Variants in TAPT1 observed in about 807,000 individuals in gnomAD.
TAPT1 encodes transmembrane anterior posterior transformation protein 1 homolog.
In TAPT1, 28 loss-of-function variants were observed where a neutral mutation model predicts 65.6. That is an observed-to-expected ratio of 0.43 (90% confidence interval 0.32 to 0.59). The LOEUF is 0.59. TAPT1 is among the 20% of genes least tolerant of loss of function. TAPT1 has a pLI of 0.09. For synonymous variants in TAPT1, 278 were observed against 245.2 expected (o/e 1.13, Z -1.25); for missense variants, 563 against 679.9 (o/e 0.83, Z 1.91).
intron 2 of TAPT1, among the ~76,000 whole-genome samples, chr4:16,203,433 G>A (rs565352357): frequency 1.1e-3 from 171 of 152,236 alleles, no homozygotes; most frequent in African/African-American, 3.6e-3. Context: ...GAATGTAACC[G>A]TGCTTGGACA....
intron 4 of TAPT1, chr4:16,190,655 A>G (rs1020781881): frequency 6.5e-6 from 1 of 154,694 alleles, no homozygotes; most frequent in Admixed American, 6.6e-5. Context: ...TTGAATTTCA[A>G]AGTTTATTAT....
chr4:16,169,165 C>T (rs1415131167), intron 12 of TAPT1, among the ~76,000 whole-genome samples: 2 of 152,210 alleles, frequency 1.3e-5, no homozygotes, highest in Non-Finnish European at 2.9e-5. Flanking sequence ...GTAAGCAGAT[C>T]TGGCTGGCTG....
At chr4:16,220,096 G>A (rs962035084) in intron 1 of TAPT1, among the ~76,000 whole-genome samples, 2 of 152,166 alleles carry the variant, frequency 1.3e-5, no homozygotes, top group African/African-American at 4.8e-5. Context: ...GTATACCTGC[G>A]TTTCAGTGTT....
In TAPT1 at chr4:16,191,574, C is replaced by T. The variant is rs1464145089; in HGVS notation, c.450-51G>A. On this transcript the variant is annotated intron_variant, in intron 3 of 13. Transcript: ENST00000405303. ...ATATAATTTTTACTCTGTATGTTCT[C>T]ACAAAAACAATAATCTTTACTCGAT... 6.7e-6 allele frequency: 10 copies of T among 1,491,146 alleles called. No homozygotes were observed. In the East Asian group the frequency reaches 2.2e-4, roughly 33 times the overall value. The allele number at this position is 1,491,146 out of a possible 1,614,324, so 92.4% of individuals were successfully genotyped here.
intron 5 of TAPT1, among the ~76,000 whole-genome samples, chr4:16,187,098 T>C (rs933326643): frequency 5.3e-5 from 8 of 152,214 alleles, no homozygotes; most frequent in Non-Finnish European, 1.0e-4. Context: ...TGTACCTCTA[T>C]GCATTCATTT....
chr4:16,168,828 A>C (rs1323863153), intron 12 of TAPT1, among the ~76,000 whole-genome samples: 2 of 152,206 alleles, frequency 1.3e-5, no homozygotes, highest in African/African-American at 4.8e-5. Context: ...CCCTGCTGCT[A>C]AGCAGCTATT....
chr4:16,193,293 A>G (rs1283357991), intron 3 of TAPT1, among the ~76,000 whole-genome samples: 1 of 152,210 alleles, frequency 6.6e-6, no homozygotes, highest in Admixed American at 6.5e-5. Flanking sequence ...ATGACTTAAG[A>G]TGGGTATGAA....
At chr4:16,207,356 C>T (rs1275010900) in intron 2 of TAPT1, among the ~76,000 whole-genome samples, 2 of 152,160 alleles carry the variant, frequency 1.3e-5, no homozygotes, top group African/African-American at 4.8e-5. Flanking sequence ...TTAACATATC[C>T]TCACACTGAC....
chr4:16,188,039 G>A (rs1247797235), intron 5 of TAPT1, among the ~76,000 whole-genome samples, 181 bp downstream of exon 5: 1 of 152,090 alleles, frequency 6.6e-6, no homozygotes, highest in Non-Finnish European at 1.5e-5. Context: ...CCTACATGAG[G>A]CTCTTAAATT....
chr4:16,209,326 A>G (rs1750527155), intron 2 of TAPT1, among the ~76,000 whole-genome samples: 1 of 152,202 alleles, frequency 6.6e-6, no homozygotes. Context: ...GTATTATAAT[A>G]ACTTATGGAT....
chr4:16,180,599 C>T lies in TAPT1; in HGVS notation c.917-942G>A, dbSNP rs374191504. On this transcript the variant is annotated intron_variant, in intron 7 of 13. Transcript: ENST00000405303. The stretch of plus-strand genomic sequence containing the variant: ...TAAGCGCTCTGAATTTCAATTTCAT[C>T]CTGATGTACTTCATGGGACTGTCTT... 2.6e-4 allele frequency among the ~76,000 whole-genome samples: 39 copies of T among 152,320 alleles called. 1 individual carries two copies. In the East Asian group the frequency reaches 2.9e-3, roughly 11 times the overall value.
chr4:16,188,207 T>A lies in TAPT1; in HGVS notation c.748+13A>T, dbSNP rs1476495130. Reference sequence around the variant, plus strand: ...TTAACTGTCGGAAATTTCCAGTAGGTCTATAAGGATACAGACATAGAGAAC... The same window carrying A: ...TTAACTGTCGGAAATTTCCAGTAGGACTATAAGGATACAGACATAGAGAAC... On this transcript the variant is annotated intron_variant, in intron 5 of 13. Coordinates refer to ENST00000405303, the MANE Select transcript of TAPT1 (RefSeq NM_153365.3). 1 of 1,590,280 alleles carries A rather than the reference T, an allele frequency of 6.3e-7. No individual in the cohort carries two copies. Among genetic ancestry groups the A allele is most frequent in the South Asian group, 1.2e-5 (1 of 85,708 alleles).
At chr4:16,226,645 GCCGCCA>G (rs554214258), upstream of TAPT1, 314 of 194,096 alleles carry the variant, frequency 1.6e-3, 1 homozygote, top group African/African-American at 7.1e-3. Flanking sequence ...CGCCGCCGCC[GCCGCCA>G]CGGTAGCCGC....
intron 7 of TAPT1, among the ~76,000 whole-genome samples, chr4:16,185,226 T>C (rs954782705): frequency 6.6e-6 from 1 of 152,140 alleles, no homozygotes; most frequent in Admixed American, 6.5e-5. Context: ...CACTAAATTT[T>C]GTTTTATAAA....
At chr4:16,203,617 G>A (rs1259304184) in intron 2 of TAPT1, among the ~76,000 whole-genome samples, 1 of 152,158 alleles carries the variant, frequency 6.6e-6, no homozygotes, top group Non-Finnish European at 1.5e-5. Context: ...CACAGACAGA[G>A]GAGAGATAAT....
intron 1 of TAPT1, among the ~76,000 whole-genome samples, chr4:16,218,062 C>T (rs1751041096): frequency 6.6e-6 from 1 of 152,192 alleles, no homozygotes; most frequent in Non-Finnish European, 1.5e-5. Flanking sequence ...TACAGAAACA[C>T]ATTACTGCAC....
rs1379642150 is a variant in TAPT1, at chr4:16,166,691, T to C, written c.1416A>G (p.Ala472=). The C allele has an allele frequency of 6.2e-7, 1 of 1,614,008 alleles. No homozygotes were observed. Among genetic ancestry groups the C allele is most frequent in the East Asian group, 2.2e-5 (1 of 44,880 alleles). ...TGGACGGCTTGCCTGGAGTGCAGGT[T>C]GCGGGAGGATTCGACAGCTTCTCTT... ...KMEEKLSNPP[A]TCTPGKPSSK... is the part of the protein sequence containing the mutation. Residue 472 remains alanine, a synonymous_variant, in exon 13 of 14, where the codon GCA becomes GCG. Transcript: ENST00000405303.
intron 3 of TAPT1, among the ~76,000 whole-genome samples, chr4:16,200,526 A>G (rs116398928): frequency 0.018 from 2,725 of 152,126 alleles, 77 homozygotes; most frequent in African/African-American, 0.062. Flanking sequence ...AGTTCTTACT[A>G]TGTTGCCCAG....
rs192772769 is a variant in TAPT1 at position 16,194,416 on chromosome 4, G to A, written c.450-2893C>T. Among the ~76,000 whole-genome samples, 115 of 152,272 alleles carry A rather than the reference G, an allele frequency of 7.6e-4. 1 individual carries two copies. In the East Asian group the frequency reaches 0.013, roughly 18 times the overall value. ...GATTAAGTTCCCACACGGTGCAGCA[G>A]GGATGGAAACTTGGCAACCTGGCTC... On this transcript the variant is annotated intron_variant, in intron 3 of 13. Coordinates refer to ENST00000405303, the MANE Select transcript of TAPT1 (RefSeq NM_153365.3).
Sources: allele counts gnomAD v4.1 joint callset (sites outside exome capture counted in the v4.1 genomes callset), GRCh38; gene constraint gnomAD v4.1.1; transcripts MANE v1.5; gene names NCBI Gene and HGNC (gene_info 2026-07-23, HGNC 2026-07-21).